Variants in MAML3 observed in about 807,000 individuals in gnomAD.
The protein encoded by MAML3 is mastermind-like protein 3.
In MAML3, 27 loss-of-function variants were observed where a neutral mutation model predicts 101.9. The ratio of observed to expected loss-of-function variants is 0.27; its 90% CI spans 0.20 to 0.37. The LOEUF (loss-of-function observed/expected upper bound fraction) is 0.37. Among genes scored for constraint, MAML3 ranks in the 10% least tolerant of loss-of-function variants. The probability of loss-of-function intolerance (pLI) is 1.00; values close to 1 mark genes in which losing one functional copy is unlikely to be tolerated. For synonymous variants in MAML3, 501 were observed against 555.9 expected, an observed-to-expected ratio of 0.90 and a Z score of 1.39; for missense variants, 1,316 against 1,444.9, an observed-to-expected ratio of 0.91 and a Z score of 1.45.
intron 1 of MAML3, among the ~76,000 whole-genome samples, chr4:140,115,678 A>G (rs1301122952): frequency 2.0e-5 from 3 of 152,186 alleles, no homozygotes; most frequent in Non-Finnish European, 4.4e-5. Flanking sequence ...TGGAATTGGA[A>G]ACAGGTACAT....
rs190106690 is a variant in MAML3, at chr4:140,139,719, T to A, written c.468+13141A>T. 4.2e-3 allele frequency among the ~76,000 whole-genome samples: 639 copies of A among 152,328 alleles called. 1 individual carries two copies. Among genetic ancestry groups the A allele is most frequent in the Non-Finnish European group, 6.6e-3 (447 of 68,022 alleles). Reference sequence around the variant, plus strand: ...AGTTTTTATCTAATAGTTGTTATAATCAGATAGCTATGAAATAACTAGTAT... The same window carrying A: ...AGTTTTTATCTAATAGTTGTTATAAACAGATAGCTATGAAATAACTAGTAT... On this transcript the variant is annotated intron_variant, in intron 1 of 4. Coordinates refer to ENST00000509479, the MANE Select transcript of MAML3 (RefSeq NM_018717.5).
Position 140,011,152 on chromosome 4 carries a change from A to G in MAML3, c.469-120185T>C, listed in dbSNP as rs1726551228. 1.5e-4 allele frequency among the ~76,000 whole-genome samples: 3 copies of G among 20,216 alleles called. No individual in the cohort carries two copies. The South Asian group carries it at 6.2e-3, about 42-fold the overall frequency. 13.3% of individuals were successfully genotyped at this position (20,216 alleles called of 152,430 possible). On this transcript the variant is annotated intron_variant, in intron 1 of 4. Transcript: ENST00000509479. The stretch of plus-strand genomic sequence containing the variant: ...ATATATATATACACATATGTCATAT[A>G]TATTTATATATATGACATATATGTC...
intron 1 of MAML3, among the ~76,000 whole-genome samples, chr4:140,016,855 G>T (rs1044858588): frequency 6.6e-6 from 1 of 152,030 alleles, no homozygotes; most frequent in Non-Finnish European, 1.5e-5. Flanking sequence ...AAACTATAAA[G>T]ATTTTAGGAA....
intron 2 of MAML3, among the ~76,000 whole-genome samples, chr4:139,847,152 C>T (rs1276413860): frequency 6.6e-6 from 1 of 152,162 alleles, no homozygotes; most frequent in Admixed American, 6.6e-5. Context: ...CAGCTTTCTT[C>T]CCCCTCCCTC....
chr4:139,855,589 G>T (rs1731644152), intron 2 of MAML3, among the ~76,000 whole-genome samples: 1 of 152,160 alleles, frequency 6.6e-6, no homozygotes, highest in South Asian at 2.1e-4. Flanking sequence ...GAATTTATAA[G>T]GAGTGAAAAA....
chr4:139,940,985 G>A (rs1193305250), intron 1 of MAML3, among the ~76,000 whole-genome samples: 1 of 152,208 alleles, frequency 6.6e-6, no homozygotes, highest in African/African-American at 2.4e-5. Flanking sequence ...AAGTGATGCT[G>A]ATGAATGGGT....
chr4:139,921,540 C>T (rs1442607669), intron 1 of MAML3, among the ~76,000 whole-genome samples: 4 of 152,194 alleles, frequency 2.6e-5, no homozygotes, highest in African/African-American at 4.8e-5. Context: ...GCACTGCCAA[C>T]GTTAACGCCG....
intron 1 of MAML3, among the ~76,000 whole-genome samples, chr4:140,129,130 C>T (rs746749549): frequency 4.2e-4 from 64 of 152,186 alleles, no homozygotes; most frequent in African/African-American, 4.8e-4. Context: ...AATAATTAGA[C>T]GAGCCTCAGA....
rs558129678 is a variant in MAML3 at position 139,836,928 on chromosome 4, G to C, written c.2079+52429C>G. On this transcript the variant is annotated intron_variant, in intron 2 of 4. Coordinates refer to ENST00000509479, the MANE Select transcript of MAML3 (RefSeq NM_018717.5). ...ACCTGAGGTTGGGAGTTTGAGACCA[G>C]CCTAACCAACATGGAGAAACCCCAT... Among the ~76,000 whole-genome samples the C allele has an allele frequency of 2.6e-5, 4 of 151,714 alleles. No individual in the cohort carries two copies. The East Asian group carries it at 7.8e-4, about 30-fold the overall frequency.
chr4:139,732,210 C>T (rs945748635), intron 2 of MAML3, among the ~76,000 whole-genome samples: 12 of 152,048 alleles, frequency 7.9e-5, no homozygotes, highest in Non-Finnish European at 1.8e-4. Flanking sequence ...ATGCAGATAC[C>T]GTTAAACATA....
At chr4:140,139,323 G>A (rs1728945545) in intron 1 of MAML3, among the ~76,000 whole-genome samples, 2 of 152,066 alleles carry the variant, frequency 1.3e-5, no homozygotes, top group South Asian at 4.2e-4. Context: ...TGCCCAGGCT[G>A]GAATAGTCTT....
chr4:140,136,269 A>T (rs973311713), intron 1 of MAML3, among the ~76,000 whole-genome samples: 7 of 152,198 alleles, frequency 4.6e-5, no homozygotes, highest in Admixed American at 4.6e-4. Context: ...GTGTCTGCAC[A>T]TTTTATTTTT....
chr4:139,815,883 A>C (rs1476021988), intron 2 of MAML3, among the ~76,000 whole-genome samples: 1 of 152,182 alleles, frequency 6.6e-6, no homozygotes, highest in Non-Finnish European at 1.5e-5. Flanking sequence ...CACAGCAACA[A>C]TACGGACGAC....
intron 2 of MAML3, among the ~76,000 whole-genome samples, chr4:139,888,835 T>C (rs1732393374): frequency 6.6e-6 from 1 of 152,186 alleles, no homozygotes; most frequent in Admixed American, 6.5e-5. Flanking sequence ...AAATCTACCC[T>C]CCACTTCACT....
chr4:139,954,178 A>T (rs1157318054), intron 1 of MAML3, among the ~76,000 whole-genome samples: 1 of 152,186 alleles, frequency 6.6e-6, no homozygotes, highest in Non-Finnish European at 1.5e-5. Context: ...TCCTTAGAAT[A>T]CAGACAATGA....
chr4:139,873,791 C>T (rs577814322), intron 2 of MAML3, among the ~76,000 whole-genome samples: 12 of 152,332 alleles, frequency 7.9e-5, no homozygotes, highest in African/African-American at 2.6e-4. Context: ...GCCCACTTGA[C>T]AGCTTCACGG....
chr4:139,805,186 A>AAAC (rs1176998199), intron 2 of MAML3, among the ~76,000 whole-genome samples: 4 of 152,156 alleles, frequency 2.6e-5, no homozygotes, highest in South Asian at 4.1e-4. Flanking sequence ...ATCCGTCTCA[A>AAAC]AACAACAACA....
chr4:140,013,276 A>G (rs1040395373), intron 1 of MAML3, among the ~76,000 whole-genome samples: 58 of 152,188 alleles, frequency 3.8e-4, no homozygotes, highest in Admixed American at 3.3e-3. Flanking sequence ...CCTACAGTCC[A>G]TGAACACAGC....
At chr4:140,120,053 C>A (rs1015709203) in intron 1 of MAML3, among the ~76,000 whole-genome samples, 2 of 151,310 alleles carry the variant, frequency 1.3e-5, no homozygotes, top group African/African-American at 4.9e-5. Context: ...CTGGCTAACA[C>A]GGTGAAACCC....
Sources: allele counts gnomAD v4.1 joint callset (sites outside exome capture counted in the v4.1 genomes callset), GRCh38; gene constraint gnomAD v4.1.1; transcripts MANE v1.5; gene names NCBI Gene and HGNC (gene_info 2026-07-23, HGNC 2026-07-21).